The following COL15A1 variants were observed in gnomAD, a reference collection of about 807,000 sequenced individuals.
COL15A1 encodes collagen alpha-1(XV) chain.
A neutral mutation model predicts 165.9 loss-of-function variants in COL15A1; 111 were observed. That is an observed-to-expected ratio of 0.67 (90% confidence interval 0.57 to 0.78). COL15A1 has a LOEUF of 0.78. COL15A1 is among the 30% of genes least tolerant of loss of function. The pLI, the probability that COL15A1 is intolerant of heterozygous loss-of-function variation, is 0.00. For missense variants in COL15A1, 1,745 were observed against 1,789.7 expected, an observed-to-expected ratio of 0.98 and a Z score of 0.45; for synonymous variants, 659 against 674.8, an observed-to-expected ratio of 0.98 and a Z score of 0.36.
rs76988593 is a variant in COL15A1, at chr9:99,048,238, G to C, written c.2793+238G>C. On this transcript the variant is annotated intron_variant, in intron 28 of 41. Transcript: ENST00000375001. ...TCTTGTGTAGGACCCAGAGGGAGTA[G>C]GGGAGAAAGGGATCTGGTCATGCTC... Among the ~76,000 whole-genome samples, 419 of 152,328 alleles carry C rather than the reference G, an allele frequency of 2.8e-3. 14 individuals carry two copies. In the East Asian group the frequency reaches 0.071, roughly 26 times the overall value.
intron 11 of COL15A1, among the ~76,000 whole-genome samples, chr9:99,016,619 G>T (rs375788203): frequency 2.2e-4 from 34 of 152,250 alleles, no homozygotes; most frequent in African/African-American, 7.7e-4. Flanking sequence ...ATGAATGCAG[G>T]TTGGAGAACG....
rs1287847779 is a variant in COL15A1 at position 99,055,264 on chromosome 9, G to A, written c.3084G>A (p.Gly1028=). ...ATTCCTGTGTTCTCTGCTTCCAGGG[G>A]GAGAATGGAGACAAGGGGTTCAAAG... The part of the protein sequence containing the change: ...YLRHFLNNLK[G]ENGDKGFKGE... Residue 1028 remains glycine, a splice_region_variant and synonymous_variant, in exon 34 of 42, where the codon GGG becomes GGA. Coordinates refer to ENST00000375001, the MANE Select transcript of COL15A1 (RefSeq NM_001855.5). 1 of 1,608,362 alleles carries A rather than the reference G, an allele frequency of 6.2e-7. No homozygotes were observed.
intron 2 of COL15A1, among the ~76,000 whole-genome samples, chr9:98,950,597 T>TC (rs1180092169): frequency 7.6e-6 from 1 of 131,140 alleles, no homozygotes; most frequent in African/African-American, 2.8e-5. Flanking sequence ...CCTTCCTCCC[T>TC]CCCTCCCTCT....
At chr9:98,999,055 A>G (rs1463224164) in intron 6 of COL15A1, among the ~76,000 whole-genome samples, 1 of 152,230 alleles carries the variant, frequency 6.6e-6, no homozygotes, top group Non-Finnish European at 1.5e-5. Flanking sequence ...CCTGGTGGTC[A>G]GAGCAGGGAA....
At position 99,020,443 on chromosome 9, in the gene COL15A1, G is replaced by A. The variant is rs139218633; in HGVS notation, c.1701+1G>A. On this transcript the variant is annotated splice_donor_variant, in intron 12 of 41. Transcript: ENST00000375001. LOFTEE classifies it high-confidence loss of function. ...ACAGGCTGGGCCCAAAGGAGAAAAGGTTTGTGCTGTGACCATCCTGGGGAA... is the reference window on the plus strand; with the variant it reads ...ACAGGCTGGGCCCAAAGGAGAAAAGATTTGTGCTGTGACCATCCTGGGGAA... 1.1e-5 allele frequency: 18 copies of A among 1,608,322 alleles called. No homozygotes were observed. The highest frequency in any genetic ancestry group is 6.7e-5 in the African/African-American group (5 of 74,938).
chr9:99,041,539 A>C (rs939968377), intron 23 of COL15A1, among the ~76,000 whole-genome samples: 1 of 152,150 alleles, frequency 6.6e-6, no homozygotes, highest in East Asian at 1.9e-4. Context: ...TGCAGAAGCA[A>C]TGGAGGAGTG....
intron 22 of COL15A1, among the ~76,000 whole-genome samples, chr9:99,039,503 T>C (rs1192652934): frequency 1.3e-5 from 2 of 152,240 alleles, no homozygotes; most frequent in Non-Finnish European, 2.9e-5. Flanking sequence ...AGTGAGACTC[T>C]ATCTCAAAAC....
At chr9:98,998,055 C>G (rs1838579387) in intron 6 of COL15A1, among the ~76,000 whole-genome samples, 8 of 152,160 alleles carry the variant, frequency 5.3e-5, no homozygotes, top group Admixed American at 5.2e-4. Flanking sequence ...ACCAAAAAAG[C>G]AAATTCCAAA....
intron 9 of COL15A1, among the ~76,000 whole-genome samples, chr9:99,007,096 G>A (rs1838775978): frequency 1.3e-5 from 2 of 152,154 alleles, no homozygotes; most frequent in Admixed American, 1.3e-4. Context: ...AAGTAGGGAG[G>A]GGGCTTCCAT....
At chr9:98,949,316 G>C (rs1011994845) in intron 2 of COL15A1, among the ~76,000 whole-genome samples, 22 of 152,146 alleles carry the variant, frequency 1.4e-4, no homozygotes, top group African/African-American at 4.6e-4. Flanking sequence ...TTTCCATTTT[G>C]GGCTAATGTA....
At chr9:99,047,046 C>G (rs1839503233) in intron 26 of COL15A1, among the ~76,000 whole-genome samples, 1 of 152,156 alleles carries the variant, frequency 6.6e-6, no homozygotes, top group African/African-American at 2.4e-5. Context: ...CACAGCAGAC[C>G]CAGCTACAGG....
intron 5 of COL15A1, 64 bp from the exon 6 acceptor site, chr9:98,996,870 T>G: frequency 6.3e-7 from 1 of 1,593,906 alleles, no homozygotes; most frequent in Non-Finnish European, 8.6e-7. Flanking sequence ...AGTGATATTC[T>G]CTGTCATTTC....
At chr9:99,048,072 A>C in intron 28 of COL15A1, 72 bp downstream of exon 28, 1 of 821,116 alleles carries the variant, frequency 1.2e-6, no homozygotes, top group Non-Finnish European at 2.1e-6. Context: ...TCCACAGAGC[A>C]GGGCCTGTGG....
rs752790024 is a variant in COL15A1 at position 99,036,444 on chromosome 9, C to T, written c.2409+48C>T. The T allele has an allele frequency of 2.5e-6, 4 of 1,594,012 alleles. No individual in the cohort carries two copies. The Admixed American group carries it at 5.0e-5, about 20-fold the overall frequency. ...CTTGTCTACATATTTTCCACCTTTG[C>T]CAAAGGGAGGAGAAGGTTGTCCATG... On this transcript the variant is annotated intron_variant, in intron 21 of 41. Coordinates refer to ENST00000375001, the MANE Select transcript of COL15A1 (RefSeq NM_001855.5).
intron 39 of COL15A1, among the ~76,000 whole-genome samples, chr9:99,063,491 C>A (rs1344852026): frequency 6.6e-6 from 1 of 152,112 alleles, no homozygotes; most frequent in South Asian, 2.1e-4. Flanking sequence ...GAGTTCAAGG[C>A]AGAAAAGGGA....
intron 26 of COL15A1, among the ~76,000 whole-genome samples, chr9:99,046,412 G>A (rs935918024): frequency 5.9e-5 from 9 of 152,182 alleles, no homozygotes; most frequent in Admixed American, 1.3e-4. Context: ...ACAAGATCCA[G>A]GTGATTCTTA....
chr9:99,065,456 A>G (rs1380844894), intron 39 of COL15A1, among the ~76,000 whole-genome samples: 2 of 151,972 alleles, frequency 1.3e-5, no homozygotes, highest in Non-Finnish European at 2.9e-5. Flanking sequence ...AAGGACATCA[A>G]AGGGTCAGGG....
intron 16 of COL15A1, among the ~76,000 whole-genome samples, chr9:99,028,331 C>CAAATATCT (rs1839162617): frequency 1.3e-5 from 2 of 152,086 alleles, no homozygotes; most frequent in Admixed American, 6.5e-5. Context: ...TAAGTATGAG[C>CAAATATCT]TAAGCTATGA....
Position 99,035,020 on chromosome 9 carries a change from C to A in COL15A1, c.2086C>A (p.Pro696Thr). 1 of 1,613,122 alleles carries A rather than the reference C, an allele frequency of 6.2e-7. No homozygotes were observed. Among genetic ancestry groups the A allele is most frequent in the East Asian group, 2.2e-5 (1 of 44,878 alleles). The change falls in exon 18 of 42, where the codon CCT becomes ACT. Residue 696 changes from proline to threonine, a missense_variant. Pro to Thr is a conservative substitution (Grantham distance 38). Coordinates refer to ENST00000375001, the MANE Select transcript of COL15A1 (RefSeq NM_001855.5). ...PNGSVGEKGD[P>T]GNRGLPGPPG... is the part of the protein sequence containing the mutation. ...CCTGCCCTCTTTCCTACAGGGTGACCCTGGCAACAGAGGCTTACCTGGACC... is the reference window on the plus strand; with the variant it reads ...CCTGCCCTCTTTCCTACAGGGTGACACTGGCAACAGAGGCTTACCTGGACC...
Sources: allele counts gnomAD v4.1 joint callset (sites outside exome capture counted in the v4.1 genomes callset), GRCh38; gene constraint gnomAD v4.1.1; transcripts MANE v1.5; gene names NCBI Gene and HGNC (gene_info 2026-07-23, HGNC 2026-07-21).